The following RBM20 variants were observed in gnomAD, a reference collection of about 807,000 sequenced individuals.
The protein encoded by RBM20 is RNA binding motif protein 20, also known as RNA-binding protein 20.
RBM20 carries 51 observed loss-of-function variants against 110.1 expected under a neutral mutation model. The ratio of observed to expected loss-of-function variants is 0.46; its 90% CI spans 0.37 to 0.59. The LOEUF (loss-of-function observed/expected upper bound fraction) is 0.59, where lower values mean the gene tolerates loss of function less well. Among genes scored for constraint, RBM20 ranks in the 20% least tolerant of loss-of-function variants. The probability of loss-of-function intolerance (pLI) is 0.00; values close to 1 mark genes in which losing one functional copy is unlikely to be tolerated. For missense variants in RBM20, 1,512 were observed against 1,574.9 expected, an observed-to-expected ratio of 0.96 and a Z score of 0.68; for synonymous variants, 589 against 618.2, an observed-to-expected ratio of 0.95 and a Z score of 0.70.
At chr10:110,765,560 T>G (rs762590675) in intron 1 of RBM20, among the ~76,000 whole-genome samples, 7 of 152,130 alleles carry the variant, frequency 4.6e-5, no homozygotes, top group African/African-American at 7.2e-5. Flanking sequence ...TGTTGTGCGG[T>G]TCAGGGTACA....
intron 1 of RBM20, among the ~76,000 whole-genome samples, chr10:110,701,008 C>T (rs530794817): frequency 6.6e-6 from 1 of 151,960 alleles, no homozygotes; most frequent in Non-Finnish European, 1.5e-5. Context: ...GAGAAAGACT[C>T]CGTCTCAAAA....
At chr10:110,660,393 T>C (rs914712858) in intron 1 of RBM20, among the ~76,000 whole-genome samples, 2 of 152,186 alleles carry the variant, frequency 1.3e-5, no homozygotes, top group Non-Finnish European at 2.9e-5. Flanking sequence ...CTTCCACTTG[T>C]TGTCTTCTAG....
At position 110,779,712 on chromosome 10, in the gene RBM20, GC is replaced by G. The variant is rs1844312237; in HGVS notation, c.192-1088del. On this transcript the variant is annotated intron_variant, in intron 1 of 13. Transcript: ENST00000369519. ...GGCAGACACCCAGCTGGTGTCCACTGCAGAACTGGTTGCTTGCTTGGTGTGT... is the reference window on the plus strand; with the variant it reads ...GGCAGACACCCAGCTGGTGTCCACTGAGAACTGGTTGCTTGCTTGGTGTGT... 2.0e-5 allele frequency among the ~76,000 whole-genome samples: 3 copies of G among 152,338 alleles called. No individual in the cohort carries two copies. The South Asian group carries it at 6.2e-4, about 32-fold the overall frequency.
chr10:110,697,094 G>A (rs1319141785), intron 1 of RBM20, among the ~76,000 whole-genome samples: 1 of 152,192 alleles, frequency 6.6e-6, no homozygotes, highest in Non-Finnish European at 1.5e-5. Context: ...GGCTTGATAT[G>A]ACTTTGAGTT....
chr10:110,833,303 C>T (rs1845079686), intron 13 of RBM20, among the ~76,000 whole-genome samples: 1 of 143,260 alleles, frequency 7.0e-6, no homozygotes, highest in Non-Finnish European at 1.5e-5. Flanking sequence ...GTAGGAGAAT[C>T]GCTTGAACCT....
chr10:110,730,120 T>C (rs1297461381), intron 1 of RBM20, among the ~76,000 whole-genome samples: 3 of 152,092 alleles, frequency 2.0e-5, no homozygotes, highest in African/African-American at 7.2e-5. Flanking sequence ...GCTTGGCCCT[T>C]CTCTTTTTTA....
intron 1 of RBM20, among the ~76,000 whole-genome samples, chr10:110,737,186 A>AAAAAAAAAAAAAAAAAAAAAAAAAAAAC: frequency 7.1e-6 from 1 of 140,134 alleles, no homozygotes; most frequent in Admixed American, 7.1e-5. Flanking sequence ...TCAAAAAAAA[A>AAAAAAAAAAAAAAAAAAAAAAAAAAAAC]AAAAAAAAAA....
Position 110,823,580 on chromosome 10 carries a change from A to G in RBM20, c.3417A>G (p.Pro1139=), listed in dbSNP as rs943336778. The G allele has an allele frequency of 6.4e-7, 1 of 1,551,620 alleles. No homozygotes were observed. Among genetic ancestry groups the G allele is most frequent in the Non-Finnish European group, 8.7e-7 (1 of 1,146,980 alleles). Residue 1139 remains proline (P), a synonymous_variant, in exon 12 of 14, where the codon CCA becomes CCG. Coordinates refer to ENST00000369519, the MANE Select transcript of RBM20 (RefSeq NM_001134363.3). Reference sequence around the variant, plus strand: ...CCCTTTCTTTGCCCTCTTGGGAACCAGAGGATGTGTTCAGTGAACTTAGCA... The same window carrying G: ...CCCTTTCTTTGCCCTCTTGGGAACCGGAGGATGTGTTCAGTGAACTTAGCA... The part of the protein sequence containing the change: ...KQPLSLPSWE[P]EDVFSELSIP...
intron 13 of RBM20, 121 bp downstream of exon 13, chr10:110,831,303 C>A: frequency 9.8e-7 from 1 of 1,019,088 alleles, no homozygotes; most frequent in Non-Finnish European, 1.4e-6. Flanking sequence ...GCAAGGCCTA[C>A]TCCAGGCCAC....
chr10:110,677,622 G>A (rs1310056570), intron 1 of RBM20, among the ~76,000 whole-genome samples: 2 of 152,162 alleles, frequency 1.3e-5, no homozygotes, highest in African/African-American at 4.8e-5. Flanking sequence ...CCAGCCAAAG[G>A]CCTCATCTTA....
intron 9 of RBM20, among the ~76,000 whole-genome samples, chr10:110,813,553 G>A (rs959239648): frequency 2.6e-5 from 4 of 152,166 alleles, no homozygotes; most frequent in Non-Finnish European, 5.9e-5. Context: ...AATGCACGGT[G>A]GCTGGGCACA....
intron 1 of RBM20, among the ~76,000 whole-genome samples, chr10:110,689,055 AT>A (rs2134873249): frequency 6.6e-6 from 1 of 152,278 alleles, no homozygotes; most frequent in East Asian, 1.9e-4. Flanking sequence ...GTATTTTGAA[AT>A]AATTCTACAT....
intron 5 of RBM20, among the ~76,000 whole-genome samples, chr10:110,797,198 T>C (rs1844560720): frequency 6.6e-6 from 1 of 152,082 alleles, no homozygotes; most frequent in South Asian, 2.1e-4. Flanking sequence ...GAGGCTGAGA[T>C]GGGAGAATCA....
At chr10:110,704,890 C>T (rs988036711) in intron 1 of RBM20, among the ~76,000 whole-genome samples, 2 of 151,952 alleles carry the variant, frequency 1.3e-5, no homozygotes, top group Non-Finnish European at 2.9e-5. Flanking sequence ...TTGTATTTGA[C>T]AAAAAATTGG....
chr10:110,791,233 T>G (rs1217276243), intron 5 of RBM20, among the ~76,000 whole-genome samples: 1 of 152,220 alleles, frequency 6.6e-6, no homozygotes, highest in Non-Finnish European at 1.5e-5. Context: ...TCATGAGAGA[T>G]AAATATTTGC....
At chr10:110,819,547 AAGG>A (rs1844881872) in intron 9 of RBM20, among the ~76,000 whole-genome samples, 1 of 152,166 alleles carries the variant, frequency 6.6e-6, no homozygotes, top group African/African-American at 2.4e-5. Context: ...GAATACAAGG[AAGG>A]AGGAAAGGGA....
At chr10:110,721,539 C>T (rs990471988) in intron 1 of RBM20, among the ~76,000 whole-genome samples, 12 of 152,238 alleles carry the variant, frequency 7.9e-5, no homozygotes, top group Middle Eastern at 3.4e-3. Context: ...GTCCAGGCAT[C>T]GTCCTCCCAG....
At chr10:110,698,339 G>A (rs1862700996) in intron 1 of RBM20, among the ~76,000 whole-genome samples, 1 of 152,222 alleles carries the variant, frequency 6.6e-6, no homozygotes, top group Admixed American at 6.5e-5. Flanking sequence ...AGGTGGGCTG[G>A]GAAGGGCAGG....
intron 1 of RBM20, among the ~76,000 whole-genome samples, chr10:110,697,257 T>C (rs1159163017): frequency 1.2e-4 from 12 of 102,846 alleles, no homozygotes; most frequent in Non-Finnish European, 2.3e-4. Context: ...ACCGTCCCCC[T>C]GAAGATGGGT....
Sources: allele counts gnomAD v4.1 joint callset (sites outside exome capture counted in the v4.1 genomes callset), GRCh38; gene constraint gnomAD v4.1.1; transcripts MANE v1.5; gene names NCBI Gene and HGNC (gene_info 2026-07-23, HGNC 2026-07-21).